The following CFAP45 variants were observed in gnomAD, a reference collection of about 807,000 sequenced individuals.
CFAP45 encodes cilia and flagella associated protein 45, also known as cilia- and flagella-associated protein 45.
Under a neutral mutation model 75.6 loss-of-function variants are expected in CFAP45, and 43 were observed. The ratio of observed to expected loss-of-function variants is 0.57; its 90% CI spans 0.45 to 0.73. The LOEUF (loss-of-function observed/expected upper bound fraction) is 0.73. CFAP45 is among the 30% of genes least tolerant of loss of function. The probability of loss-of-function intolerance (pLI) is 0.00; values close to 1 mark genes in which losing one functional copy is unlikely to be tolerated. For missense variants in CFAP45, 689 were observed against 701.5 expected (o/e 0.98, Z 0.20); for synonymous variants, 223 against 244.6 (o/e 0.91, Z 0.82).
In CFAP45 at chr1:159,872,379, T is replaced by A. The variant is rs911367786; in HGVS notation, c.*106A>T. 1.1e-6 allele frequency: 1 copy of A among 909,700 alleles called. No individual in the cohort carries two copies. Among genetic ancestry groups the A allele is most frequent in the South Asian group, 1.3e-5 (1 of 74,628 alleles). 56.4% of individuals were successfully genotyped at this position (909,700 alleles called of 1,614,324 possible). ...AAGCTGTTCCTTAAAGTCAAGTAGA[T>A]TTAATCTGTAACTATGAAATGTCTA... On this transcript the variant is annotated 3_prime_UTR_variant, in exon 12 of 12. Transcript: ENST00000368099.
intron 1 of CFAP45, among the ~76,000 whole-genome samples, chr1:159,896,604 C>T (rs1419903247): frequency 2.6e-5 from 4 of 152,134 alleles, no homozygotes; most frequent in African/African-American, 9.7e-5. Context: ...CTTTGCATGA[C>T]CAAATAAATA....
Position 159,873,183 on chromosome 1 carries a change from C to G in CFAP45, c.1353-15G>C. On this transcript the variant is annotated splice_polypyrimidine_tract_variant and intron_variant, in intron 10 of 11. Transcript: ENST00000368099. ...CTCTCTGAGCCCTGGGGGAGGGAAACAGGAATGGAATGAACTCAGCTGAGC... is the reference window on the plus strand; with the variant it reads ...CTCTCTGAGCCCTGGGGGAGGGAAAGAGGAATGGAATGAACTCAGCTGAGC... 1 of 1,610,116 alleles carries G rather than the reference C, an allele frequency of 6.2e-7. No homozygotes were observed. Among genetic ancestry groups the G allele is most frequent in the Non-Finnish European group, 8.5e-7 (1 of 1,177,660 alleles).
intron 3 of CFAP45, among the ~76,000 whole-genome samples, chr1:159,889,129 T>A (rs1649765544): frequency 6.6e-6 from 1 of 152,166 alleles, no homozygotes; most frequent in Non-Finnish European, 1.5e-5. Flanking sequence ...CTTTGAACTG[T>A]AAATATTAAT....
intron 3 of CFAP45, among the ~76,000 whole-genome samples, chr1:159,890,144 C>T (rs140534644): frequency 2.0e-3 from 305 of 152,264 alleles, no homozygotes; most frequent in Non-Finnish European, 3.5e-3. Flanking sequence ...GGATCACTTC[C>T]CTTTAGGGAG....
chr1:159,893,692 A>G (rs998133630), intron 1 of CFAP45, among the ~76,000 whole-genome samples: 4 of 152,154 alleles, frequency 2.6e-5, no homozygotes, highest in Non-Finnish European at 5.9e-5. Flanking sequence ...GCTCTATTGC[A>G]CAGAAAGGCC....
rs1489345506 is a variant in CFAP45 at position 159,894,831 on chromosome 1, G to A, written c.4-1526C>T. 4.6e-5 allele frequency among the ~76,000 whole-genome samples: 7 copies of A among 152,284 alleles called. No homozygotes were observed. The East Asian group carries it at 1.3e-3, about 29-fold the overall frequency. Reference sequence around the variant, plus strand: ...ACTAGTGGACCAAAAGGCAGAACAAGGAAAACCTTTCTGACCCAAACAGAA... The same window carrying A: ...ACTAGTGGACCAAAAGGCAGAACAAAGAAAACCTTTCTGACCCAAACAGAA... On this transcript the variant is annotated intron_variant, in intron 1 of 11. Transcript: ENST00000368099.
chr1:159,892,563 C>T (rs1649854263), intron 2 of CFAP45, among the ~76,000 whole-genome samples: 1 of 152,172 alleles, frequency 6.6e-6, no homozygotes, highest in Admixed American at 6.5e-5. Context: ...GCCCTTCTCT[C>T]CATGTCATAT....
rs1649413435 is a variant in CFAP45 at position 159,876,737 on chromosome 1, CCCGCAAGGCAT to C, written c.1160_1170del (p.Asp387GlyfsTer29). On this transcript the variant is annotated frameshift_variant and splice_region_variant, in exon 10 of 12. Coordinates refer to ENST00000368099, the MANE Select transcript of CFAP45 (RefSeq NM_012337.3). LOFTEE classifies it high-confidence loss of function. ...TCTGCAACCTCCTGGTTGCGCTTGG[CCCGCAAGGCAT>C]CCTGGGAATGTTGGCAGGGGACCAG... 6.2e-7 allele frequency: 1 copy of C among 1,614,068 alleles called. No homozygotes were observed. The highest frequency in any genetic ancestry group is 1.3e-5 in the African/African-American group (1 of 74,930).
At chr1:159,888,586 A>G (rs1415337227) in intron 3 of CFAP45, 90 bp from the exon 4 acceptor site, 2 of 1,261,178 alleles carry the variant, frequency 1.6e-6, no homozygotes, top group South Asian at 1.4e-5. Flanking sequence ...CCCTCTTCCC[A>G]TCATGCCAGT....
chr1:159,878,766 A>AAAAAAAAAC (rs1649473874), intron 8 of CFAP45, among the ~76,000 whole-genome samples: 3 of 136,950 alleles, frequency 2.2e-5, no homozygotes, highest in African/African-American at 8.1e-5. Flanking sequence ...AAAAAAAAAA[A>AAAAAAAAAC]AAAAAAAAAA....
chr1:159,880,742 A>C, intron 7 of CFAP45, 42 bp from the exon 8 acceptor site: 2 of 1,602,630 alleles, frequency 1.2e-6, no homozygotes, highest in Non-Finnish European at 1.7e-6. Flanking sequence ...CAAAGAGGTA[A>C]GACAAGAAGC....
At chr1:159,877,521 A>G in intron 8 of CFAP45, 59 bp from the exon 9 acceptor site, 1 of 1,165,500 alleles carries the variant, frequency 8.6e-7, no homozygotes, top group South Asian at 1.2e-5. Context: ...GCAGAGAGAA[A>G]CAAAACCCCT....
chr1:159,888,623 G>A (rs2101848770), intron 3 of CFAP45, 127 bp from the exon 4 acceptor site: 3 of 850,948 alleles, frequency 3.5e-6, no homozygotes, highest in Non-Finnish European at 5.4e-6. Context: ...AGAAGAGACG[G>A]CAAGTGTGCC....
At chr1:159,879,006 G>GAT (rs1388401635) in intron 8 of CFAP45, among the ~76,000 whole-genome samples, 3 of 152,114 alleles carry the variant, frequency 2.0e-5, no homozygotes, top group African/African-American at 4.8e-5. Context: ...AAGGGCTTGT[G>GAT]ATATACGTAG....
At chr1:159,883,349 A>G (rs6671929) in intron 7 of CFAP45, among the ~76,000 whole-genome samples, 88,697 of 152,048 alleles carry the variant, frequency 0.58, 27,607 homozygotes, top group East Asian at 0.77. Context: ...AACTAAAGAG[A>G]CTCAACGGAA....
chr1:159,883,390 T>C (rs1041111287), intron 7 of CFAP45, among the ~76,000 whole-genome samples: 3 of 152,104 alleles, frequency 2.0e-5, no homozygotes, highest in Non-Finnish European at 4.4e-5. Context: ...TAACGTCTAG[T>C]TTGGAAACAA....
Position 159,877,451 on chromosome 1 carries a change from TGCTTCTCGA to T in CFAP45, c.1047_1055del (p.Arg350_Ala352del), listed in dbSNP as rs759186551. ...TTCTCTCCTGCTCAGCCTCAAACTC[TGCTTCTCGA>T]GCCTGCCGGAAGGAAAGGCCTTGTA... On this transcript the variant is annotated inframe_deletion and splice_region_variant, in exon 9 of 12. Coordinates refer to ENST00000368099, the MANE Select transcript of CFAP45 (RefSeq NM_012337.3). The T allele has an allele frequency of 4.3e-6, 7 of 1,613,720 alleles. No homozygotes were observed. The East Asian group carries it at 1.6e-4, about 36-fold the overall frequency.
chr1:159,888,796 C>T (rs1469848439), intron 3 of CFAP45, among the ~76,000 whole-genome samples: 1 of 146,594 alleles, frequency 6.8e-6, no homozygotes, highest in South Asian at 2.3e-4. Context: ...CTCTGCCCCC[C>T]CACCAAGGAC....
chr1:159,875,419 A>C (rs904446843), intron 10 of CFAP45, among the ~76,000 whole-genome samples: 2 of 152,172 alleles, frequency 1.3e-5, no homozygotes, highest in African/African-American at 4.8e-5. Context: ...GCCAAAGGGT[A>C]TCATGGCAGG....
Sources: allele counts gnomAD v4.1 joint callset (sites outside exome capture counted in the v4.1 genomes callset), GRCh38; gene constraint gnomAD v4.1.1; transcripts MANE v1.5; gene names NCBI Gene and HGNC (gene_info 2026-07-23, HGNC 2026-07-21).